Variants in ANKS1B observed in about 807,000 individuals in gnomAD.
The protein encoded by ANKS1B is ankyrin repeat and sterile alpha motif domain-containing protein 1B.
ANKS1B carries 36 observed loss-of-function variants against 148.3 expected under a neutral mutation model. That is an observed-to-expected ratio of 0.24 (90% CI 0.19 to 0.32). The LOEUF (loss-of-function observed/expected upper bound fraction) is 0.32, where lower values mean the gene tolerates loss of function less well. ANKS1B is among the 10% of genes least tolerant of loss of function. The pLI is 1.00. For synonymous variants in ANKS1B, 542 were observed against 560.8 expected, an observed-to-expected ratio of 0.97 and a Z score of 0.47; for missense variants, 1,157 against 1,542.6, an observed-to-expected ratio of 0.75 and a Z score of 4.19.
chr12:99,701,906 T>C (rs1413012861), intron 8 of ANKS1B, among the ~76,000 whole-genome samples: 1 of 152,188 alleles, frequency 6.6e-6, no homozygotes, highest in African/African-American at 2.4e-5. Context: ...CTCCATCATG[T>C]ATATGTGCCA....
At chr12:99,822,098 G>A (rs1343558651) in intron 2 of ANKS1B, among the ~76,000 whole-genome samples, 1 of 152,010 alleles carries the variant, frequency 6.6e-6, no homozygotes, top group Non-Finnish European at 1.5e-5. Context: ...TAAACAGGCT[G>A]ATGGCATTAA....
intron 8 of ANKS1B, among the ~76,000 whole-genome samples, chr12:99,737,943 C>A (rs2153577159): frequency 6.6e-6 from 1 of 152,194 alleles, no homozygotes; most frequent in South Asian, 2.1e-4. Context: ...AAGCCATAGT[C>A]CCATAGACAT....
chr12:99,680,939 T>TACAA (rs1437426856), intron 8 of ANKS1B, among the ~76,000 whole-genome samples: 2,901 of 151,944 alleles, frequency 0.019, 106 homozygotes, highest in African/African-American at 0.066. Flanking sequence ...CCTAAGAACA[T>TACAA]AACTCCATTG....
At chr12:99,660,366 T>TC (rs1555532870) in intron 8 of ANKS1B, among the ~76,000 whole-genome samples, 1 of 145,504 alleles carries the variant, frequency 6.9e-6, no homozygotes, top group African/African-American at 2.5e-5. Flanking sequence ...TCTTTTTCTT[T>TC]TTTTTTTTTT....
At chr12:99,253,618 A>T (rs2074913985) in intron 12 of ANKS1B, among the ~76,000 whole-genome samples, 1 of 152,230 alleles carries the variant, frequency 6.6e-6, no homozygotes, top group South Asian at 2.1e-4. Flanking sequence ...ATGGATTATA[A>T]CCCACTGAAT....
In ANKS1B at chr12:99,543,292, G is replaced by T. The variant is rs530077904; in HGVS notation, c.1273-38651C>A. 3.3e-5 allele frequency among the ~76,000 whole-genome samples: 5 copies of T among 152,118 alleles called. 1 individual carries two copies. Among genetic ancestry groups the T allele is most frequent in the African/African-American group, 1.2e-4 (5 of 41,550 alleles). On this transcript the variant is annotated intron_variant, in intron 9 of 26. Transcript: ENST00000683438. ...TAAGAAACCACTTCTCACCACTAAG[G>T]TGATTAAAATAAAAAAGACTAACAA...
intron 8 of ANKS1B, among the ~76,000 whole-genome samples, chr12:99,748,832 CA>C (rs2060840971): frequency 1.3e-5 from 2 of 152,020 alleles, no homozygotes; most frequent in African/African-American, 4.8e-5. Flanking sequence ...TATGGAATAC[CA>C]GCATAGCCAA....
At chr12:99,377,655 AAG>A in intron 12 of ANKS1B, among the ~76,000 whole-genome samples, 1 of 152,352 alleles carries the variant, frequency 6.6e-6, no homozygotes, top group Non-Finnish European at 1.5e-5. Context: ...TTTTAAGAAA[AAG>A]AGTGTATATT....
At chr12:99,619,515 C>T (rs1472782470) in intron 9 of ANKS1B, among the ~76,000 whole-genome samples, 1 of 152,008 alleles carries the variant, frequency 6.6e-6, no homozygotes, top group South Asian at 2.1e-4. Flanking sequence ...CAGCCTGAAC[C>T]TTCCCACCCT....
chr12:98,978,581 A>G (rs1448316770), intron 17 of ANKS1B, among the ~76,000 whole-genome samples: 1 of 151,952 alleles, frequency 6.6e-6, no homozygotes, highest in East Asian at 1.9e-4. Flanking sequence ...ATAAATTTCT[A>G]TATTCTTTTT....
At chr12:99,517,230 T>A (rs1375324390) in intron 9 of ANKS1B, among the ~76,000 whole-genome samples, 1 of 152,138 alleles carries the variant, frequency 6.6e-6, no homozygotes, top group African/African-American at 2.4e-5. Flanking sequence ...GATCTTTCAC[T>A]TCTTTAGGTA....
chr12:98,913,416 C>T (rs1245949602), intron 17 of ANKS1B, among the ~76,000 whole-genome samples: 1 of 152,114 alleles, frequency 6.6e-6, no homozygotes, highest in Admixed American at 6.5e-5. Flanking sequence ...CTCATACTCT[C>T]GACCTCTAAA....
chr12:99,557,146 T>C (rs1304745015), intron 9 of ANKS1B, among the ~76,000 whole-genome samples: 1 of 152,204 alleles, frequency 6.6e-6, no homozygotes, highest in African/African-American at 2.4e-5. Context: ...AATGTGTGTC[T>C]TGGGGATGGT....
intron 9 of ANKS1B, among the ~76,000 whole-genome samples, chr12:99,538,802 T>C (rs2153113267): frequency 6.6e-6 from 1 of 152,314 alleles, no homozygotes; most frequent in East Asian, 1.9e-4. Flanking sequence ...ACAGTGGGCA[T>C]CCTTGTCATG....
rs777670722 is a variant in ANKS1B, at chr12:99,246,326, A to G, written c.2295T>C (p.Ser765=). 170 of 1,610,570 alleles carry G rather than the reference A, an allele frequency of 1.1e-4. No homozygotes were observed. The highest frequency in any genetic ancestry group is 1.4e-4 in the Non-Finnish European group (170 of 1,178,628). ...GTGTTCTTTCAGAATTCCCTTTAGA[A>G]CTGTGTTCAGCAGTGGAAGATTCAC... ...NWSESSTAEH[S]SKGNSERTPS... is the part of the protein sequence containing the mutation. The change falls in exon 13 of 27, where the codon AGT becomes AGC. Residue 765 remains serine, a synonymous_variant. Transcript: ENST00000683438.
rs1377763799 is a variant in ANKS1B, at chr12:99,474,570, TG to T, written c.1438+29905del. Reference sequence around the variant, plus strand: ...AAATACACCTAAAATAAAATAAAGCTGGAAATAAATAGAAAAGAAGTGAAAA... The same window carrying T: ...AAATACACCTAAAATAAAATAAAGCTGAAATAAATAGAAAAGAAGTGAAAA... On this transcript the variant is annotated intron_variant, in intron 10 of 26. Transcript: ENST00000683438. Among the ~76,000 whole-genome samples the T allele has an allele frequency of 7.9e-5, 12 of 151,034 alleles. No homozygotes were observed. In the East Asian group the frequency reaches 2.1e-3, roughly 27 times the overall value.
chr12:99,799,115 G>C (rs1424482329), intron 4 of ANKS1B, among the ~76,000 whole-genome samples: 1 of 152,024 alleles, frequency 6.6e-6, no homozygotes, highest in African/African-American at 2.4e-5. Context: ...TTTTTGCCTA[G>C]TTTTGTTACT....
intron 10 of ANKS1B, among the ~76,000 whole-genome samples, chr12:99,482,751 A>G (rs1595667634): frequency 6.6e-6 from 1 of 151,574 alleles, no homozygotes; most frequent in African/African-American, 2.4e-5. Context: ...GTTCCTAGGT[A>G]TTTTTATTTT....
intron 9 of ANKS1B, among the ~76,000 whole-genome samples, chr12:99,551,536 AGG>A (rs1567331900): frequency 3.9e-4 from 1 of 2,580 alleles, no homozygotes; most frequent in Non-Finnish European, 7.2e-4. Context: ...AGGAGAGGGG[AGG>A]GGAGGGGAGG....
Sources: gnomAD v4.1 joint callset for allele counts (sites outside exome capture counted in the v4.1 genomes callset) on GRCh38, gnomAD v4.1.1 for gene constraint, MANE v1.5 for transcripts, NCBI Gene and HGNC (gene_info 2026-07-23, HGNC 2026-07-21) for gene names.